Variants in NEGR1 observed in about 807,000 individuals in gnomAD.
NEGR1 encodes neuronal growth regulator 1, also known as IgLON family member 4.
In NEGR1, 10 loss-of-function variants were observed where a neutral mutation model predicts 40.9. The observed-to-expected ratio is 0.24, with a 90% CI of 0.15 to 0.42. The LOEUF is 0.42. Ranked by LOEUF, NEGR1 falls within the 10% of genes least tolerant of loss-of-function variation. The pLI is 1.00. For missense variants in NEGR1, 352 were observed against 438.9 expected (o/e 0.80, Z 1.77); for synonymous variants, 185 against 166.8 (o/e 1.11, Z -0.84).
intron 1 of NEGR1, among the ~76,000 whole-genome samples, chr1:72,232,427 A>T (rs1200335374): frequency 6.6e-6 from 1 of 151,988 alleles, no homozygotes; most frequent in Non-Finnish European, 1.5e-5. Flanking sequence ...AGTATATGCT[A>T]CATTTTAATC....
At chr1:71,714,893 C>T (rs759873891) in intron 3 of NEGR1, among the ~76,000 whole-genome samples, 5 of 152,142 alleles carry the variant, frequency 3.3e-5, no homozygotes, top group Non-Finnish European at 7.3e-5. Context: ...AGACAGTGGC[C>T]CTCTTCCAAC....
chr1:71,576,222 T>G (rs1037801201), intron 6 of NEGR1, among the ~76,000 whole-genome samples: 15 of 152,238 alleles, frequency 9.9e-5, no homozygotes, highest in African/African-American at 3.4e-4. Flanking sequence ...TGGCAGGAGC[T>G]GATCATTGGT....
intron 6 of NEGR1, among the ~76,000 whole-genome samples, chr1:71,588,210 T>C (rs1342402196): frequency 6.6e-6 from 1 of 152,106 alleles, no homozygotes; most frequent in Non-Finnish European, 1.5e-5. Flanking sequence ...GGAAGAAACA[T>C]TTTTTTAGTT....
At chr1:71,750,634 C>G (rs1166340636) in intron 3 of NEGR1, among the ~76,000 whole-genome samples, 4 of 152,044 alleles carry the variant, frequency 2.6e-5, no homozygotes, top group Non-Finnish European at 4.4e-5. Context: ...CTATCGAGAA[C>G]AGCATGGGAA....
chr1:71,942,530 C>A (rs1645975517), intron 1 of NEGR1, among the ~76,000 whole-genome samples: 1 of 69,588 alleles, frequency 1.4e-5, no homozygotes, highest in Non-Finnish European at 2.6e-5. Flanking sequence ...GAGACGGAGT[C>A]TCGCTCTGTC....
rs544582630 is a variant in NEGR1 at position 71,417,162 on chromosome 1, T to C, written c.941-9592A>G. On this transcript the variant is annotated intron_variant, in intron 6 of 6. Coordinates refer to ENST00000357731, the MANE Select transcript of NEGR1 (RefSeq NM_173808.3). ...GCTTTTGCCTATACTTCATCTATAT[T>C]TTACCTATACTTTATCACTCTCATG... Among the ~76,000 whole-genome samples, 17 of 152,298 alleles carry C rather than the reference T, an allele frequency of 1.1e-4. No homozygotes were observed. The East Asian group carries it at 3.1e-3, about 28-fold the overall frequency.
intron 4 of NEGR1, among the ~76,000 whole-genome samples, chr1:71,661,632 T>C (rs1652057658): frequency 6.6e-6 from 1 of 152,180 alleles, no homozygotes; most frequent in Non-Finnish European, 1.5e-5. Flanking sequence ...CCGTTACAAA[T>C]AAAATAAGTA....
chr1:72,102,687 ATAT>A (rs1416693801), intron 1 of NEGR1, among the ~76,000 whole-genome samples: 2 of 152,144 alleles, frequency 1.3e-5, no homozygotes, highest in African/African-American at 4.8e-5. Flanking sequence ...AACAAATAAA[ATAT>A]TATGTGCATG....
At chr1:72,105,625 G>T (rs933925912) in intron 1 of NEGR1, among the ~76,000 whole-genome samples, 7 of 152,022 alleles carry the variant, frequency 4.6e-5, no homozygotes, top group Admixed American at 2.0e-4. Context: ...CAATGTTAGG[G>T]ATCAGCAATG....
At chr1:71,466,818 G>A (rs543534465) in intron 6 of NEGR1, among the ~76,000 whole-genome samples, 4 of 152,124 alleles carry the variant, frequency 2.6e-5, no homozygotes, top group East Asian at 1.9e-4. Flanking sequence ...AGGGGTCCAC[G>A]GACCATAATT....
At chr1:71,928,159 TACGTATATATGTATATATAC>T (rs1645803546) in intron 2 of NEGR1, among the ~76,000 whole-genome samples, 1 of 94,674 alleles carries the variant, frequency 1.1e-5, no homozygotes, top group African/African-American at 5.6e-5. Context: ...CATATGTATA[TACGTATATATGTATATATAC>T]ACACATATGT....
chr1:71,885,266 A>G (rs1660692827), intron 2 of NEGR1, among the ~76,000 whole-genome samples: 1 of 152,152 alleles, frequency 6.6e-6, no homozygotes, highest in African/African-American at 2.4e-5. Flanking sequence ...ATTTAATTAC[A>G]CTTTCTGCAT....
chr1:72,202,652 T>C (rs1653258015), intron 1 of NEGR1, among the ~76,000 whole-genome samples: 1 of 152,006 alleles, frequency 6.6e-6, no homozygotes, highest in Non-Finnish European at 1.5e-5. Flanking sequence ...AGCAAGGGCT[T>C]ATCTCTTCAA....
At chr1:72,110,865 A>T (rs1260638575) in intron 1 of NEGR1, among the ~76,000 whole-genome samples, 1 of 151,692 alleles carries the variant, frequency 6.6e-6, no homozygotes, top group East Asian at 1.9e-4. Flanking sequence ...TATTATTTAC[A>T]AATAGAAACT....
At chr1:71,597,041 A>G (rs556773919) in intron 5 of NEGR1, among the ~76,000 whole-genome samples, 1 of 152,302 alleles carries the variant, frequency 6.6e-6, no homozygotes, top group South Asian at 2.1e-4. Context: ...CTTGAATCAT[A>G]AAAGTTTTAT....
intron 1 of NEGR1, among the ~76,000 whole-genome samples, chr1:72,218,505 A>T (rs1653900959): frequency 6.6e-6 from 1 of 152,110 alleles, no homozygotes; most frequent in South Asian, 2.1e-4. Context: ...GTAAATAAAA[A>T]TAATGTATCT....
intron 1 of NEGR1, among the ~76,000 whole-genome samples, chr1:72,064,097 T>G (rs989632186): frequency 2.6e-5 from 4 of 151,982 alleles, no homozygotes; most frequent in Non-Finnish European, 5.9e-5. Flanking sequence ...TCTTCTTGCA[T>G]TTGTTTTACT....
At chr1:71,672,120 T>G (rs1652457793) in intron 4 of NEGR1, among the ~76,000 whole-genome samples, 1 of 152,094 alleles carries the variant, frequency 6.6e-6, no homozygotes. Flanking sequence ...ATATCTGCTA[T>G]CATAGCTAAA....
intron 6 of NEGR1, among the ~76,000 whole-genome samples, chr1:71,558,146 T>C (rs1648313717): frequency 6.6e-6 from 1 of 151,582 alleles, no homozygotes; most frequent in Non-Finnish European, 1.5e-5. Flanking sequence ...TTTTTTGTCA[T>C]ATTTCTCCAC....
Sources: gnomAD v4.1 joint callset for allele counts (sites outside exome capture counted in the v4.1 genomes callset) on GRCh38, gnomAD v4.1.1 for gene constraint, MANE v1.5 for transcripts, NCBI Gene and HGNC (gene_info 2026-07-23, HGNC 2026-07-21) for gene names.